The following PLXDC1 variants were observed in gnomAD, a reference collection of about 807,000 sequenced individuals.
PLXDC1 encodes the protein plexin domain-containing protein 1.
Under a neutral mutation model 61.3 loss-of-function variants are expected in PLXDC1, and 39 were observed. That is an observed-to-expected ratio of 0.64 (90% CI 0.49 to 0.83). PLXDC1 has a LOEUF of 0.83. Ranked by LOEUF, PLXDC1 falls within the 40% of genes least tolerant of loss-of-function variation. The pLI, the probability that PLXDC1 is intolerant of heterozygous loss-of-function variation, is 0.00. For missense variants in PLXDC1, 596 were observed against 666.5 expected (o/e 0.89, Z 1.17); for synonymous variants, 212 against 254.5 (o/e 0.83, Z 1.59).
At chr17:39,147,409 T>G (rs2045349332) in intron 1 of PLXDC1, among the ~76,000 whole-genome samples, 1 of 152,166 alleles carries the variant, frequency 6.6e-6, no homozygotes. Flanking sequence ...CTTTCTCTGC[T>G]GCCCCCTCGG....
intron 3 of PLXDC1, 94 bp from the exon 4 acceptor site, chr17:39,109,067 A>G (rs1910701796): frequency 1.6e-6 from 2 of 1,271,960 alleles, no homozygotes; most frequent in Non-Finnish European, 2.3e-6. Flanking sequence ...CAGAGTGGGG[A>G]GCAGGCATGC....
chr17:39,078,382 A>G (rs1379721017), intron 10 of PLXDC1, among the ~76,000 whole-genome samples: 1 of 152,124 alleles, frequency 6.6e-6, no homozygotes, highest in Non-Finnish European at 1.5e-5. Flanking sequence ...AATTCATTAA[A>G]CTTCTCTGAG....
chr17:39,102,466 C>T (rs947690688), intron 7 of PLXDC1, among the ~76,000 whole-genome samples: 26 of 151,916 alleles, frequency 1.7e-4, no homozygotes, highest in Admixed American at 7.9e-4. Flanking sequence ...ATATAGCGTA[C>T]GGAAATACTC....
intron 2 of PLXDC1, among the ~76,000 whole-genome samples, chr17:39,134,194 C>T (rs568393576): frequency 1.3e-4 from 20 of 150,308 alleles, no homozygotes; most frequent in African/African-American, 2.9e-4. Flanking sequence ...GCGGAGCTTG[C>T]GGTGAACCGA....
chr17:39,100,406 T>C (rs1363561885), intron 7 of PLXDC1, among the ~76,000 whole-genome samples: 1 of 152,104 alleles, frequency 6.6e-6, no homozygotes, highest in Non-Finnish European at 1.5e-5. Context: ...TAGGTACCCA[T>C]CACCACACCC....
chr17:39,090,477 AAAG>A (rs1048682343), intron 7 of PLXDC1, among the ~76,000 whole-genome samples: 2 of 152,144 alleles, frequency 1.3e-5, no homozygotes, highest in African/African-American at 4.8e-5. Context: ...GCATGGAGGA[AAAG>A]AAGCTCGGCC....
chr17:39,079,141 T>A lies in PLXDC1; in HGVS notation c.1013A>T (p.Tyr338Phe), dbSNP rs777652955. 6 of 1,613,914 alleles carry A rather than the reference T, an allele frequency of 3.7e-6. No individual in the cohort carries two copies. The highest frequency in any genetic ancestry group is 5.1e-6 in the Non-Finnish European group (6 of 1,179,928). Residue 338 changes from tyrosine to phenylalanine, a missense_variant, in exon 10 of 14, where the codon TAT (tyrosine) becomes TTT (phenylalanine). Coordinates refer to ENST00000315392, the MANE Select transcript of PLXDC1 (RefSeq NM_020405.5). ...GCCATAGTCCATCCACTCCTGGCGA[T>A]AGCGGTCAAAGCCACTGGAGCATCT... ...LQRCSSGFDR[Y>F]RQEWMDYGCA... is the part of the protein sequence containing the mutation.
chr17:39,146,052 C>T (rs1232517286), intron 1 of PLXDC1, among the ~76,000 whole-genome samples: 1 of 150,504 alleles, frequency 6.6e-6, no homozygotes, highest in Non-Finnish European at 1.5e-5. Flanking sequence ...ATTAATCAGG[C>T]TGCACTTCGG....
chr17:39,073,561 C>A (rs760021521), intron 11 of PLXDC1, among the ~76,000 whole-genome samples: 1 of 152,232 alleles, frequency 6.6e-6, no homozygotes, highest in Non-Finnish European at 1.5e-5. Flanking sequence ...CCCAGAGTGA[C>A]TGAAGGTGGC....
At chr17:39,099,879 G>A (rs1462658991) in intron 7 of PLXDC1, among the ~76,000 whole-genome samples, 1 of 152,114 alleles carries the variant, frequency 6.6e-6, no homozygotes, top group Non-Finnish European at 1.5e-5. Flanking sequence ...TGGCTGCCTG[G>A]TATCCACACC....
intron 7 of PLXDC1, among the ~76,000 whole-genome samples, chr17:39,098,304 A>G (rs1461376311): frequency 6.6e-6 from 1 of 152,066 alleles, no homozygotes; most frequent in African/African-American, 2.4e-5. Flanking sequence ...AACCTCTGAC[A>G]AAAAGGGATG....
chr17:39,072,301 C>T, intron 12 of PLXDC1, 149 bp downstream of exon 12: 1 of 669,180 alleles, frequency 1.5e-6, no homozygotes, highest in Non-Finnish European at 2.7e-6. Flanking sequence ...CCCCTGCCTC[C>T]CCACCCAGCA....
chr17:39,136,786 G>A (rs138542978), intron 2 of PLXDC1, among the ~76,000 whole-genome samples: 5 of 152,108 alleles, frequency 3.3e-5, no homozygotes, highest in South Asian at 2.1e-4. Context: ...TTAACAATAC[G>A]ATAGTAGAGA....
chr17:39,135,375 C>T (rs1482034701), intron 2 of PLXDC1, among the ~76,000 whole-genome samples: 1 of 152,156 alleles, frequency 6.6e-6, no homozygotes, highest in Non-Finnish European at 1.5e-5. Context: ...GGTTTGAAAT[C>T]TTATAGATCG....
chr17:39,088,672 G>A (rs1267637536), intron 7 of PLXDC1, among the ~76,000 whole-genome samples: 1 of 152,174 alleles, frequency 6.6e-6, no homozygotes, highest in Non-Finnish European at 1.5e-5. Context: ...CAGGCATGGT[G>A]GCTCATGCCT....
chr17:39,088,456 C>A (rs1909824125), intron 7 of PLXDC1, among the ~76,000 whole-genome samples: 1 of 152,170 alleles, frequency 6.6e-6, no homozygotes, highest in South Asian at 2.1e-4. Flanking sequence ...GTCATTTGGA[C>A]CTCAGTTTCT....
Position 39,105,640 on chromosome 17 carries a change from G to A in PLXDC1, c.811+214C>T, listed in dbSNP as rs185392341. Among the ~76,000 whole-genome samples the A allele has an allele frequency of 1.6e-3, 249 of 152,316 alleles. 1 individual carries two copies. Among genetic ancestry groups the A allele is most frequent in the African/African-American group, 5.7e-3 (238 of 41,560 alleles). ...CCCTTTCACCTTAACAACCAGAGCA[G>A]TGCCTCCCATTGGAGATTTTGCTGG... On this transcript the variant is annotated intron_variant, in intron 7 of 13. Transcript: ENST00000315392.
At chr17:39,069,401 C>T (rs1014314150) in intron 13 of PLXDC1, among the ~76,000 whole-genome samples, 2 of 152,122 alleles carry the variant, frequency 1.3e-5, no homozygotes, top group Admixed American at 6.5e-5. Context: ...CTGCACCTGC[C>T]CCTCAATTTT....
intron 8 of PLXDC1, among the ~76,000 whole-genome samples, chr17:39,084,166 C>A (rs914606683): frequency 6.6e-6 from 1 of 152,182 alleles, no homozygotes; most frequent in African/African-American, 2.4e-5. Flanking sequence ...AGGTGTGTAT[C>A]CCACAGTCAA....
Sources: gnomAD v4.1 joint callset for allele counts (sites outside exome capture counted in the v4.1 genomes callset) on GRCh38, gnomAD v4.1.1 for gene constraint, MANE v1.5 for transcripts, NCBI Gene and HGNC (gene_info 2026-07-23, HGNC 2026-07-21) for gene names.